The following HOXB3 variants were observed in gnomAD, a reference collection of about 807,000 sequenced individuals.
HOXB3 encodes homeobox protein Hox-B3.
In HOXB3, 17 loss-of-function variants were observed where a neutral mutation model predicts 29.2. The ratio of observed to expected loss-of-function variants is 0.58; its 90% CI spans 0.40 to 0.87. The LOEUF is 0.87. Among genes scored for constraint, HOXB3 ranks in the 40% least tolerant of loss-of-function variants. HOXB3 has a pLI of 0.00. For missense variants in HOXB3, 637 were observed against 616.3 expected, an observed-to-expected ratio of 1.03 and a Z score of -0.35; for synonymous variants, 317 against 285.9, an observed-to-expected ratio of 1.11 and a Z score of -1.10.
rs1451986276 is a variant in HOXB3 at position 48,571,998 on chromosome 17, GTC to G, written c.-247+1837_-247+1838del. ...TCCCAGCCAGCGTCTGTCTGTATCTGTCTCTCTTTCTCTTTCTCTTTGTCTCT... is the reference window on the plus strand; with the variant it reads ...TCCCAGCCAGCGTCTGTCTGTATCTGTCTCTTTCTCTTTCTCTTTGTCTCT... On this transcript the variant is annotated intron_variant, in intron 2 of 4. Transcript: ENST00000498678. Among the ~76,000 whole-genome samples, 7 of 152,140 alleles carry G rather than the reference GTC, an allele frequency of 4.6e-5. No individual in the cohort carries two copies. The South Asian group carries it at 1.2e-3, about 27-fold the overall frequency.
At chr17:48,551,540 C>T (rs2068743587) in intron 4 of HOXB3, among the ~76,000 whole-genome samples, 1 of 152,206 alleles carries the variant, frequency 6.6e-6, no homozygotes, top group South Asian at 2.1e-4. Flanking sequence ...AAGACATTTC[C>T]CCTCCCCGCC....
intron 1 of HOXB3, chr17:48,579,927 T>C (rs72631828): frequency 4.8e-5 from 25 of 517,898 alleles, no homozygotes; most frequent in African/African-American, 4.5e-4. Context: ...CTACAGGGTA[T>C]ATACAGAAGA....
At position 48,555,526 on chromosome 17, in the gene HOXB3, C is replaced by CT; in HGVS notation, c.-159+4dup. On this transcript the variant is annotated splice_donor_region_variant and intron_variant, in intron 3 of 4. Coordinates refer to ENST00000498678, the MANE Select transcript of HOXB3 (RefSeq NM_001384749.1). The stretch of plus-strand genomic sequence containing the variant: ...AAACTGATAGCCTATTTCAGTCCAG[C>CT]TTACCTTAGCCACCGACGAGGGGAG... The CT allele has an allele frequency of 1.4e-6, 1 of 702,726 alleles. No individual in the cohort carries two copies. 43.5% of individuals were successfully genotyped at this position (702,726 alleles called of 1,614,324 possible).
chr17:48,590,024 C>T (rs1056053197), intron 1 of HOXB3, 101 bp downstream of exon 1: 1 of 152,178 alleles, frequency 6.6e-6, no homozygotes, highest in Non-Finnish European at 1.5e-5. Flanking sequence ...GCTAAATTTC[C>T]CCTACATCAC....
chr17:48,551,012 C>G lies in HOXB3; in HGVS notation c.618G>C (p.Glu206Asp), dbSNP rs565644656. 6.2e-7 allele frequency: 1 copy of G among 1,612,568 alleles called. No homozygotes were observed. The highest frequency in any genetic ancestry group is 1.1e-5 in the South Asian group (1 of 91,028). The change falls in exon 5 of 5, where the codon GAG becomes GAC. Residue 206 changes from glutamate (E) to aspartate (D), a missense_variant. By Grantham distance (45) the Glu-to-Asp change is conservative. Transcript: ENST00000498678. ...GGCACAGGTAGCGGTTAAAATGGAACTCCTTCTCCAGCTCCACCAGCTGCG... is the reference window on the plus strand; with the variant it reads ...GGCACAGGTAGCGGTTAAAATGGAAGTCCTTCTCCAGCTCCACCAGCTGCG... ...TSAQLVELEK[E>D]FHFNRYLCRP...
At chr17:48,574,071 T>C in intron 1 of HOXB3, 57 bp from the exon 2 acceptor site, 1 of 578,212 alleles carries the variant, frequency 1.7e-6, no homozygotes, top group South Asian at 2.2e-5. Flanking sequence ...AAGTGATTAA[T>C]GGTTTTCTGT....
chr17:48,577,256 G>C (rs975751996), intron 1 of HOXB3, among the ~76,000 whole-genome samples: 1 of 152,148 alleles, frequency 6.6e-6, no homozygotes, highest in Non-Finnish European at 1.5e-5. Context: ...GGTGGGGAAG[G>C]GGGGCGTGTG....
intron 1 of HOXB3, chr17:48,581,954 T>G (rs2069952295): frequency 1.3e-5 from 2 of 152,168 alleles, no homozygotes; most frequent in African/African-American, 4.8e-5. Flanking sequence ...CCCAGAAGGA[T>G]ACGAACAGCA....
intron 1 of HOXB3, among the ~76,000 whole-genome samples, chr17:48,583,414 C>T (rs2069988759): frequency 6.6e-6 from 1 of 152,196 alleles, no homozygotes; most frequent in South Asian, 2.1e-4. Flanking sequence ...GGGTTTGTCT[C>T]TCCAGGATTA....
At chr17:48,555,672 C>A in intron 2 of HOXB3, 54 bp from the exon 3 acceptor site, 1 of 694,124 alleles carries the variant, frequency 1.4e-6, no homozygotes, top group Non-Finnish European at 2.6e-6. Context: ...GCCCCCCGCC[C>A]CCCCGCCCCC....
At chr17:48,576,749 C>T in intron 1 of HOXB3, 1 of 1,511,746 alleles carries the variant, frequency 6.6e-7, no homozygotes, top group Non-Finnish European at 9.0e-7. Flanking sequence ...CTCCATTGGG[C>T]CGGCCAGGGG....
At chr17:48,582,086 G>A (rs1567965808) in intron 1 of HOXB3, 2 of 152,300 alleles carry the variant, frequency 1.3e-5, no homozygotes, top group African/African-American at 4.8e-5. Flanking sequence ...TTGCTAGCGT[G>A]ACCTCGCCCC....
At chr17:48,568,070 G>A (rs2069447531) in intron 2 of HOXB3, among the ~76,000 whole-genome samples, 1 of 152,126 alleles carries the variant, frequency 6.6e-6, no homozygotes, top group Admixed American at 6.5e-5. Context: ...ACAGAACTTT[G>A]ATTTGGTCTC....
chr17:48,550,415 G>A lies in HOXB3; in HGVS notation c.1215C>T (p.Pro405=), dbSNP rs374362765. 5 of 1,613,966 alleles carry A rather than the reference G, an allele frequency of 3.1e-6. No homozygotes were observed. The African/African-American group carries it at 6.7e-5, about 22-fold the overall frequency. ...SQHHGPCEPH[P]TYTDLSSHHA... ...GGTGAGAGGAGAGGTCTGTGTAGGTGGGGTGGGGTTCGCAGGGTCCGTGGT... is the reference window on the plus strand; with the variant it reads ...GGTGAGAGGAGAGGTCTGTGTAGGTAGGGTGGGGTTCGCAGGGTCCGTGGT... The change falls in exon 5 of 5, where the codon CCC becomes CCT. Residue 405 remains proline, a synonymous_variant. Coordinates refer to ENST00000498678, the MANE Select transcript of HOXB3 (RefSeq NM_001384749.1).
rs1481769265 is a variant in HOXB3, at chr17:48,550,230, T to A, written c.*104A>T. ...GCCGGTTCTGACCAGGAAGCCTGGGTACCACCTTCTCTGGCTCCTCTTTTC... is the reference window on the plus strand; with the variant it reads ...GCCGGTTCTGACCAGGAAGCCTGGGAACCACCTTCTCTGGCTCCTCTTTTC... On this transcript the variant is annotated 3_prime_UTR_variant, in exon 5 of 5. Coordinates refer to ENST00000498678, the MANE Select transcript of HOXB3 (RefSeq NM_001384749.1). 24 of 1,490,990 alleles carry A rather than the reference T, an allele frequency of 1.6e-5. No homozygotes were observed. The Admixed American group carries it at 4.4e-4, about 27-fold the overall frequency. 92.4% of individuals were successfully genotyped at this position (1,490,990 alleles called of 1,614,324 possible).
chr17:48,578,578 A>C, intron 1 of HOXB3: 1 of 393,438 alleles, frequency 2.5e-6, no homozygotes, highest in Non-Finnish European at 4.3e-6. Flanking sequence ...CAGGATTTAC[A>C]TAGGGCTCCT....
intron 2 of HOXB3, among the ~76,000 whole-genome samples, chr17:48,563,176 G>T (rs2069258498): frequency 6.6e-6 from 1 of 152,236 alleles, no homozygotes; most frequent in African/African-American, 2.4e-5. Context: ...TGGGCAGAAG[G>T]CACAGGAGGC....
At chr17:48,578,616 C>T (rs944133532) in intron 1 of HOXB3, 8 of 366,032 alleles carry the variant, frequency 2.2e-5, no homozygotes, top group Admixed American at 1.5e-4. Flanking sequence ...TTGCCTCGCT[C>T]TCTCCGGGAT....
At position 48,573,740 on chromosome 17, in the gene HOXB3, A is replaced by G. The variant is rs2069662268; in HGVS notation, c.-247+97T>C. The stretch of plus-strand genomic sequence containing the variant: ...AAAACCCAGCCAAGAAAGTTAAAAA[A>G]GAAAAAGGAAGAGGCGAGAGAGTGT... On this transcript the variant is annotated intron_variant, in intron 2 of 4. Coordinates refer to ENST00000498678, the MANE Select transcript of HOXB3 (RefSeq NM_001384749.1). 7.7e-6 allele frequency: 5 copies of G among 647,394 alleles called. No individual in the cohort carries two copies. The South Asian group carries it at 8.4e-5, about 11-fold the overall frequency. 40.1% of individuals were successfully genotyped at this position (647,394 alleles called of 1,614,324 possible). A position where few individuals can be genotyped will look rare whatever the true frequency, so the allele number is the denominator to read the frequency against.
Sources: gnomAD v4.1 joint callset for allele counts (sites outside exome capture counted in the v4.1 genomes callset) on GRCh38, gnomAD v4.1.1 for gene constraint, MANE v1.5 for transcripts, NCBI Gene and HGNC (gene_info 2026-07-23, HGNC 2026-07-21) for gene names.